ST7L: variants seen among roughly 807,000 people sequenced by gnomAD.
ST7L encodes the protein suppression of tumorigenicity 7 like, also known as suppressor of tumorigenicity 7 protein-like.
A neutral mutation model predicts 72.5 loss-of-function variants in ST7L; 57 were observed. The observed-to-expected ratio is 0.79, with a 90% CI of 0.64 to 0.98. The LOEUF is 0.98. Among genes scored for constraint, ST7L ranks in the 50% least tolerant of loss-of-function variants. The probability of loss-of-function intolerance (pLI) is 0.00; values close to 1 mark genes in which losing one functional copy is unlikely to be tolerated. For synonymous variants in ST7L, 221 were observed against 240.9 expected, an observed-to-expected ratio of 0.92 and a Z score of 0.77; for missense variants, 576 against 672.2, an observed-to-expected ratio of 0.86 and a Z score of 1.58.
At chr1:112,555,462 G>A (rs913667482) in intron 12 of ST7L, among the ~76,000 whole-genome samples, 2 of 152,116 alleles carry the variant, frequency 1.3e-5, no homozygotes, top group Non-Finnish European at 2.9e-5. Flanking sequence ...CTACTTGGGA[G>A]GCTGAGGCAG....
In ST7L at chr1:112,582,027, T is replaced by C; in HGVS notation, c.1034A>G (p.Tyr345Cys). 1 of 1,613,384 alleles carries C rather than the reference T, an allele frequency of 6.2e-7. No individual in the cohort carries two copies. Among genetic ancestry groups the C allele is most frequent in the Non-Finnish European group, 8.5e-7 (1 of 1,179,506 alleles). ...TGCTAGGACTGCCTGAACATCTGGA[T>C]AGGCCTGTAATTCTAAAAGTGATTC... ...LLESLLELQA[Y>C]PDVQAVLAKY... Residue 345 changes from tyrosine (Y) to cysteine (C), a missense_variant, in exon 9 of 15, where the codon TAT becomes TGT. Tyr to Cys is a radical substitution (Grantham distance 194, BLOSUM62 -2). Transcript: ENST00000358039.
intron 11 of ST7L, among the ~76,000 whole-genome samples, chr1:112,570,570 TACACACACAC>T (rs1553248207): frequency 7.0e-6 from 1 of 143,370 alleles, no homozygotes; most frequent in Non-Finnish European, 1.5e-5. Flanking sequence ...TATATATATA[TACACACACAC>T]ATATATTTGA....
At chr1:112,555,362 G>A (rs1308111061) in intron 12 of ST7L, among the ~76,000 whole-genome samples, 1 of 151,984 alleles carries the variant, frequency 6.6e-6, no homozygotes, top group Non-Finnish European at 1.5e-5. Flanking sequence ...TCAGGAGATC[G>A]AGACCATCCT....
At chr1:112,537,061 T>C (rs1177372798) in intron 14 of ST7L, among the ~76,000 whole-genome samples, 1 of 152,030 alleles carries the variant, frequency 6.6e-6, no homozygotes, top group African/African-American at 2.4e-5. Flanking sequence ...AGCGACGCGA[T>C]CTCGGCTCAC....
At chr1:112,598,609 A>T (rs1035181289) in intron 4 of ST7L, among the ~76,000 whole-genome samples, 1 of 151,858 alleles carries the variant, frequency 6.6e-6, no homozygotes, top group Non-Finnish European at 1.5e-5. Flanking sequence ...AAAAAAAAAG[A>T]CTCAGTAAAA....
At chr1:112,599,110 A>ATATG (rs1666993855) in intron 4 of ST7L, among the ~76,000 whole-genome samples, 1 of 75,144 alleles carries the variant, frequency 1.3e-5, no homozygotes, top group Admixed American at 1.7e-4. Flanking sequence ...ATATATATAT[A>ATATG]TGTGGATGTG....
In ST7L at chr1:112,619,066, A is replaced by C. The variant is rs1670430942; in HGVS notation, c.48T>G (p.Ser16=). ...GVGEAAAVGA[S]PASVPGLNPT... The stretch of plus-strand genomic sequence containing the variant: ...GGTTTAGGCCAGGGACAGATGCAGG[A>C]GACGCTCCAACAGCTGCGGCTTCAC... The change falls in exon 1 of 15, where the codon TCT becomes TCG. Residue 16 remains serine (S), a synonymous_variant. Transcript: ENST00000358039. 1 of 1,613,726 alleles carries C rather than the reference A, an allele frequency of 6.2e-7. No individual in the cohort carries two copies. Among genetic ancestry groups the C allele is most frequent in the Non-Finnish European group, 8.5e-7 (1 of 1,180,000 alleles).
At chr1:112,571,278 G>C in intron 11 of ST7L, 1 of 456,338 alleles carries the variant, frequency 2.2e-6, no homozygotes, top group Non-Finnish European at 4.4e-6. Context: ...CACTCACTTA[G>C]CTGGATATTT....
intron 13 of ST7L, among the ~76,000 whole-genome samples, chr1:112,544,039 T>G (rs568634718): frequency 6.6e-6 from 1 of 152,308 alleles, no homozygotes. Flanking sequence ...TATATTTTAT[T>G]TGAAATTTGA....
intron 12 of ST7L, among the ~76,000 whole-genome samples, chr1:112,551,916 C>T (rs1206987876): frequency 6.6e-6 from 1 of 152,194 alleles, no homozygotes; most frequent in Non-Finnish European, 1.5e-5. Flanking sequence ...AGATCCAAAA[C>T]ACTTCTTATA....
At chr1:112,528,945 C>T (rs1379628185) in intron 14 of ST7L, 2 of 152,198 alleles carry the variant, frequency 1.3e-5, no homozygotes, top group Non-Finnish European at 2.9e-5. Context: ...CAAATTCTAA[C>T]TTCATGATCT....
downstream of ST7L, chr1:112,520,766 AG>A: frequency 1.9e-6 from 1 of 540,346 alleles, no homozygotes. Flanking sequence ...TAGAAGAGAT[AG>A]GGGGTCTTTA....
chr1:112,604,503 C>T (rs1031274392), intron 3 of ST7L, among the ~76,000 whole-genome samples: 11 of 151,962 alleles, frequency 7.2e-5, no homozygotes, highest in African/African-American at 2.4e-4. Flanking sequence ...AAGTTATGTG[C>T]TCCCAATATA....
intron 2 of ST7L, among the ~76,000 whole-genome samples, chr1:112,612,804 T>C (rs558073955): frequency 4.5e-4 from 68 of 152,184 alleles, no homozygotes; most frequent in African/African-American, 1.4e-3. Flanking sequence ...AAGGTTTATA[T>C]TGAATAAATC....
chr1:112,553,141 G>C (rs1223102457), intron 12 of ST7L, among the ~76,000 whole-genome samples: 2 of 151,846 alleles, frequency 1.3e-5, no homozygotes, highest in African/African-American at 2.4e-5. Flanking sequence ...GGAGCTTATG[G>C]ACTACTGGAG....
At chr1:112,606,397 A>G (rs1668245904) in intron 3 of ST7L, among the ~76,000 whole-genome samples, 1 of 152,286 alleles carries the variant, frequency 6.6e-6, no homozygotes, top group South Asian at 2.1e-4. Flanking sequence ...ACTCTCCCCA[A>G]AATGCTAGAA....
rs1296475465 is a variant in ST7L, at chr1:112,555,868, T to TGCC, written c.1393_1395dup (p.Gly465dup). The TGCC allele has an allele frequency of 1.3e-6, 2 of 1,513,242 alleles. No homozygotes were observed. The highest frequency in any genetic ancestry group is 2.7e-5 in the South Asian group (2 of 72,786). 93.7% of individuals were successfully genotyped at this position (1,513,242 alleles called of 1,614,324 possible). On this transcript the variant is annotated inframe_insertion and splice_region_variant, in exon 12 of 15. Transcript: ENST00000358039. ...GTTACTTTTGGAAAAGAATACTTAC[T>TGCC]GCCTTCCCATGTACACTGTAACAGA... is the stretch of plus-strand genomic sequence containing the variant.
At chr1:112,539,605 G>A (rs1655762026) in intron 14 of ST7L, 3 of 756,652 alleles carry the variant, frequency 4.0e-6, no homozygotes, top group Non-Finnish European at 4.8e-6. Flanking sequence ...GCAGTGAGCT[G>A]AGATCACGCC....
In ST7L at chr1:112,583,307, CT is replaced by C. The variant is rs143798292; in HGVS notation, c.856+664del. ...GCCAAAATCATGAAACTAAAACCCT[CT>C]GGCCATAAAAATAGCAGGAAGCAGC... On this transcript the variant is annotated intron_variant, in intron 7 of 14. Transcript: ENST00000358039. Among the ~76,000 whole-genome samples, 213 of 152,268 alleles carry C rather than the reference CT, an allele frequency of 1.4e-3. 6 individuals are homozygous for C. In the East Asian group the frequency reaches 0.039, roughly 28 times the overall value.
Sources: allele counts gnomAD v4.1 joint callset (sites outside exome capture counted in the v4.1 genomes callset), GRCh38; gene constraint gnomAD v4.1.1; transcripts MANE v1.5; gene names NCBI Gene and HGNC (gene_info 2026-07-23, HGNC 2026-07-21).